Variants in RGS8 observed in about 807,000 individuals in gnomAD.
RGS8 encodes the protein regulator of G protein signaling 8.
RGS8 carries 8 observed loss-of-function variants against 21.7 expected under a neutral mutation model. The ratio of observed to expected loss-of-function variants is 0.37; its 90% CI spans 0.22 to 0.66. The LOEUF is 0.66. RGS8 is among the 30% of genes least tolerant of loss of function. The pLI, the probability that RGS8 is intolerant of heterozygous loss-of-function variation, is 0.59. For synonymous variants in RGS8, 80 were observed against 83.6 expected (o/e 0.96, Z 0.24); for missense variants, 157 against 217.9 (o/e 0.72, Z 1.76).
chr1:182,709,931 G>C, the RGS8 span, among the ~76,000 whole-genome samples: 42 of 152,156 alleles, frequency 2.8e-4, no homozygotes, highest in Non-Finnish European at 4.9e-4. Context: ...TCTAGATTCT[G>C]GGTTACAGGA....
At chr1:182,675,192 T>C (rs1434438356), upstream of RGS8, among the ~76,000 whole-genome samples, 2 of 152,212 alleles carry the variant, frequency 1.3e-5, no homozygotes, top group African/African-American at 4.8e-5. Context: ...TCTGCCCAAG[T>C]CCCACAAGGG....
the RGS8 span, chr1:182,712,924 A>G: frequency 6.6e-6 from 1 of 152,188 alleles, no homozygotes. Flanking sequence ...ACCCTGAAAT[A>G]TATGGCTGAA....
At chr1:182,738,088 A>G in the RGS8 span, among the ~76,000 whole-genome samples, 3 of 152,256 alleles carry the variant, frequency 2.0e-5, no homozygotes, top group African/African-American at 7.2e-5. Flanking sequence ...CACAGTAACA[A>G]ATAACTAACA....
upstream of RGS8, among the ~76,000 whole-genome samples, chr1:182,686,612 A>G (rs918633109): frequency 3.3e-5 from 5 of 152,214 alleles, no homozygotes; most frequent in Non-Finnish European, 7.3e-5. Flanking sequence ...TAAGGGACCT[A>G]GGAGGAAAAG....
At chr1:182,670,208 G>A (rs1016498839) in intron 2 of RGS8, among the ~76,000 whole-genome samples, 2 of 152,216 alleles carry the variant, frequency 1.3e-5, no homozygotes, top group African/African-American at 4.8e-5. Context: ...TGGAGACTCG[G>A]GAAAGTGGGA....
At chr1:182,664,270 A>G (rs540679) in intron 5 of RGS8, among the ~76,000 whole-genome samples, 4,777 of 151,266 alleles carry the variant, frequency 0.032, 250 homozygotes, top group African/African-American at 0.11. Context: ...CATTTGATAA[A>G]TAAAAGTATC....
At chr1:182,689,019 G>T (rs182564436), upstream of RGS8, among the ~76,000 whole-genome samples, 1 of 152,188 alleles carries the variant, frequency 6.6e-6, no homozygotes, top group Non-Finnish European at 1.5e-5. Flanking sequence ...CACTGTGTCC[G>T]TGGTAATTTG....
downstream of RGS8, chr1:182,643,248 T>A (rs1662544050): frequency 6.6e-6 from 1 of 150,886 alleles, no homozygotes; most frequent in Non-Finnish European, 1.5e-5. Context: ...GCCAGGTTCC[T>A]CGGTATCTAC....
chr1:182,726,408 C>T, the RGS8 span, among the ~76,000 whole-genome samples: 4 of 152,258 alleles, frequency 2.6e-5, no homozygotes, highest in Admixed American at 1.3e-4. Flanking sequence ...CGGTGGCTCA[C>T]GCCTGTAATC....
chr1:182,671,526 G>GA (rs1664154938), intron 2 of RGS8, 131 bp downstream of exon 3: 1 of 741,146 alleles, frequency 1.3e-6, no homozygotes, highest in Non-Finnish European at 2.3e-6. Flanking sequence ...AAGAGGGGGA[G>GA]AGAAACTAGA....
At chr1:182,711,288 G>A in the RGS8 span, among the ~76,000 whole-genome samples, 1 of 152,154 alleles carries the variant, frequency 6.6e-6, no homozygotes, top group African/African-American at 2.4e-5. Flanking sequence ...GCACCATGAT[G>A]TATCCCAATC....
chr1:182,724,901 T>G, the RGS8 span, among the ~76,000 whole-genome samples: 2 of 152,184 alleles, frequency 1.3e-5, no homozygotes, highest in African/African-American at 4.8e-5. Flanking sequence ...TGACCAAAGC[T>G]TTAGGCATTG....
chr1:182,695,507 AG>A, the RGS8 span, among the ~76,000 whole-genome samples: 1 of 152,146 alleles, frequency 6.6e-6, no homozygotes, highest in Non-Finnish European at 1.5e-5. Flanking sequence ...AAAAATTAAG[AG>A]GTAGGGTCTT....
chr1:182,685,969 C>T (rs1407014275), upstream of RGS8, among the ~76,000 whole-genome samples: 4 of 152,056 alleles, frequency 2.6e-5, no homozygotes, highest in Middle Eastern at 3.2e-3. Flanking sequence ...CAGAGCTCTG[C>T]GGAAATGCTG....
the RGS8 span, among the ~76,000 whole-genome samples, chr1:182,697,130 C>T: frequency 2.0e-5 from 3 of 152,084 alleles, no homozygotes; most frequent in African/African-American, 7.2e-5. Context: ...TAAAGCCAGC[C>T]CAGATTCAAG....
At chr1:182,740,558 T>G in the RGS8 span, among the ~76,000 whole-genome samples, 21 of 143,602 alleles carry the variant, frequency 1.5e-4, no homozygotes, top group South Asian at 2.3e-4. Context: ...GTTTTTTTTT[T>G]TTTTTTTTTT....
chr1:182,676,092 G>A (rs565497251), upstream of RGS8, among the ~76,000 whole-genome samples: 43 of 152,304 alleles, frequency 2.8e-4, no homozygotes, highest in African/African-American at 1.0e-3. Context: ...AGCTGCACAG[G>A]TACATAAGGC....
At chr1:182,704,082 C>T in the RGS8 span, among the ~76,000 whole-genome samples, 5 of 152,296 alleles carry the variant, frequency 3.3e-5, no homozygotes, top group East Asian at 7.7e-4. Context: ...CTAAATAGGA[C>T]TGTTTTTACT....
At chr1:182,647,003 A>G in intron 6 of RGS8, 86 bp from the exon 8 acceptor site, 1 of 1,103,860 alleles carries the variant, frequency 9.1e-7, no homozygotes, top group Non-Finnish European at 1.3e-6. Flanking sequence ...ATAATTATGA[A>G]TGACAGCATC....
Sources: gnomAD v4.1 joint callset for allele counts (sites outside exome capture counted in the v4.1 genomes callset) on GRCh38, gnomAD v4.1.1 for gene constraint, MANE v1.5 for transcripts, NCBI Gene and HGNC (gene_info 2026-07-23, HGNC 2026-07-21) for gene names.